The following NRXN3 variants were observed in gnomAD, a reference collection of about 807,000 sequenced individuals.
The protein encoded by NRXN3 is neurexin 3.
NRXN3 carries 32 observed loss-of-function variants against 137.6 expected under a neutral mutation model. The observed-to-expected ratio is 0.23, with a 90% CI of 0.18 to 0.31. The LOEUF (loss-of-function observed/expected upper bound fraction) is 0.31. Among genes scored for constraint, NRXN3 ranks in the 10% least tolerant of loss-of-function variants. NRXN3 has a pLI of 1.00. For missense variants in NRXN3, 1,574 were observed against 2,062.5 expected (o/e 0.76, Z 4.59); for synonymous variants, 798 against 784.5 (o/e 1.02, Z -0.29).
At chr14:78,194,339 A>C (rs1362519455) in intron 1 of NRXN3, among the ~76,000 whole-genome samples, 1 of 152,196 alleles carries the variant, frequency 6.6e-6, no homozygotes, top group African/African-American at 2.4e-5. Flanking sequence ...TCAGGGCAGT[A>C]AGCTCTGGTG....
At chr14:78,174,570 G>A (rs770695082) in intron 1 of NRXN3, among the ~76,000 whole-genome samples, 6 of 152,178 alleles carry the variant, frequency 3.9e-5, no homozygotes, top group Non-Finnish European at 8.8e-5. Flanking sequence ...GGACAACATA[G>A]GATTGTCAAC....
At chr14:79,839,968 CATGTATGT>C (rs35448994) in intron 20 of NRXN3, among the ~76,000 whole-genome samples, 2 of 147,118 alleles carry the variant, frequency 1.4e-5, no homozygotes, top group South Asian at 2.3e-4. Context: ...TTTCTGGAAG[CATGTATGT>C]ATGTATGTAT....
At chr14:79,299,127 T>C (rs1174510223) in intron 15 of NRXN3, among the ~76,000 whole-genome samples, 2 of 152,226 alleles carry the variant, frequency 1.3e-5, no homozygotes, top group South Asian at 2.1e-4. Context: ...TATTTGCTTT[T>C]GTTTTATCTT....
intron 15 of NRXN3, among the ~76,000 whole-genome samples, chr14:79,348,552 A>G (rs1471896742): frequency 1.3e-5 from 2 of 151,582 alleles, no homozygotes; most frequent in East Asian, 3.9e-4. Flanking sequence ...ATTTTTTTGT[A>G]TTTTTTAGTA....
At chr14:79,358,122 G>T (rs2093491693) in intron 15 of NRXN3, among the ~76,000 whole-genome samples, 2 of 152,172 alleles carry the variant, frequency 1.3e-5, no homozygotes, top group Non-Finnish European at 2.9e-5. Flanking sequence ...CTGAGCACAG[G>T]CTCCTGGGTG....
At chr14:79,176,995 G>A (rs1317457793) in intron 15 of NRXN3, among the ~76,000 whole-genome samples, 1 of 152,154 alleles carries the variant, frequency 6.6e-6, no homozygotes, top group East Asian at 1.9e-4. Context: ...AGTGAAATAA[G>A]GAGTGTGGTA....
At chr14:79,127,315 C>A (rs896286340) in intron 15 of NRXN3, among the ~76,000 whole-genome samples, 1 of 152,066 alleles carries the variant, frequency 6.6e-6, no homozygotes, top group Non-Finnish European at 1.5e-5. Context: ...TTAGTTCTAA[C>A]GTTTAAGTCT....
chr14:78,297,296 T>A (rs1436370020), intron 3 of NRXN3, among the ~76,000 whole-genome samples: 1 of 152,190 alleles, frequency 6.6e-6, no homozygotes, highest in African/African-American at 2.4e-5. Flanking sequence ...TCAATTTTTG[T>A]AGAAAAGACT....
chr14:78,667,371 G>T (rs376191812), intron 6 of NRXN3, among the ~76,000 whole-genome samples: 19 of 152,234 alleles, frequency 1.2e-4, no homozygotes, highest in African/African-American at 4.1e-4. Flanking sequence ...AATCTGTTTC[G>T]TAGTGAGTAC....
At chr14:79,721,924 GA>G (rs2098845979) in intron 19 of NRXN3, among the ~76,000 whole-genome samples, 3 of 151,974 alleles carry the variant, frequency 2.0e-5, no homozygotes, top group Non-Finnish European at 4.4e-5. Context: ...TAATCCCTAG[GA>G]TTTAGCACAT....
At chr14:79,768,448 C>T (rs1029351841) in intron 19 of NRXN3, among the ~76,000 whole-genome samples, 8 of 152,204 alleles carry the variant, frequency 5.3e-5, no homozygotes, top group Non-Finnish European at 8.8e-5. Context: ...ACTGCCTCCT[C>T]AAGTGGGTCC....
At chr14:78,408,491 T>C (rs1259044614) in intron 4 of NRXN3, among the ~76,000 whole-genome samples, 1 of 152,244 alleles carries the variant, frequency 6.6e-6, no homozygotes, top group Non-Finnish European at 1.5e-5. Context: ...GTGAATCTCT[T>C]TCACCATCAG....
At chr14:79,279,607 G>GGCT (rs1215640613) in intron 15 of NRXN3, 9 of 986,814 alleles carry the variant, frequency 9.1e-6, no homozygotes, top group Non-Finnish European at 1.1e-5. Flanking sequence ...TGGCTGCGGT[G>GGCT]GCTGCTGCTG....
chr14:78,628,199 A>C (rs1301341013), intron 4 of NRXN3, among the ~76,000 whole-genome samples: 1 of 151,916 alleles, frequency 6.6e-6, no homozygotes, highest in Non-Finnish European at 1.5e-5. Context: ...CAGCCTCCCA[A>C]GTAGCTGGGA....
intron 15 of NRXN3, among the ~76,000 whole-genome samples, chr14:79,163,670 T>C (rs935441419): frequency 2.0e-5 from 3 of 151,900 alleles, no homozygotes; most frequent in Non-Finnish European, 2.9e-5. Flanking sequence ...TGTCCCCTGG[T>C]ATAAGCTGTG....
At chr14:79,266,869 TA>T in intron 15 of NRXN3, among the ~76,000 whole-genome samples, 1 of 152,216 alleles carries the variant, frequency 6.6e-6, no homozygotes, top group Non-Finnish European at 1.5e-5. Flanking sequence ...TAATTTAATG[TA>T]ACCCCAGGTT....
intron 15 of NRXN3, among the ~76,000 whole-genome samples, chr14:79,300,081 C>A (rs188518480): frequency 5.1e-4 from 78 of 151,996 alleles, no homozygotes; most frequent in African/African-American, 1.9e-3. Flanking sequence ...AATGAGTGAC[C>A]CCTACGTGCC....
At chr14:78,628,146 C>A (rs1490303672) in intron 4 of NRXN3, among the ~76,000 whole-genome samples, 3 of 151,136 alleles carry the variant, frequency 2.0e-5, no homozygotes, top group Admixed American at 2.0e-4. Context: ...GATCATGACT[C>A]ACTGCAGCCT....
intron 10 of NRXN3, among the ~76,000 whole-genome samples, chr14:78,945,060 T>C (rs1200807941): frequency 6.6e-6 from 1 of 152,088 alleles, no homozygotes; most frequent in Non-Finnish European, 1.5e-5. Flanking sequence ...AGACGACATC[T>C]CCCCCGGTGA....
Sources: allele counts gnomAD v4.1 joint callset (sites outside exome capture counted in the v4.1 genomes callset), GRCh38; gene constraint gnomAD v4.1.1; transcripts MANE v1.5; gene names NCBI Gene and HGNC (gene_info 2026-07-23, HGNC 2026-07-21).